The following SAP130 variants were observed in gnomAD, a reference collection of about 807,000 sequenced individuals.
SAP130 encodes histone deacetylase complex subunit SAP130.
Under a neutral mutation model 103.2 loss-of-function variants are expected in SAP130, and 16 were observed. The observed-to-expected ratio is 0.16, with a 90% CI of 0.10 to 0.24. The LOEUF (loss-of-function observed/expected upper bound fraction) is 0.24, where lower values mean the gene tolerates loss of function less well. Ranked by LOEUF, SAP130 falls within the 10% of genes least tolerant of loss-of-function variation. The pLI is 1.00. For synonymous variants in SAP130, 477 were observed against 497.0 expected, an observed-to-expected ratio of 0.96 and a Z score of 0.53; for missense variants, 990 against 1,359.7, an observed-to-expected ratio of 0.73 and a Z score of 4.28.
chr2:128,008,528 C>CTTT (rs76018250), intron 7 of SAP130, among the ~76,000 whole-genome samples: 1 of 137,212 alleles, frequency 7.3e-6, no homozygotes, highest in African/African-American at 2.7e-5. Flanking sequence ...CCACGCTTAC[C>CTTT]TTTTTTTTTT....
At chr2:127,992,023 G>A (rs1474443255) in intron 12 of SAP130, among the ~76,000 whole-genome samples, 2 of 152,086 alleles carry the variant, frequency 1.3e-5, no homozygotes, top group African/African-American at 4.8e-5. Flanking sequence ...CTAGGCTGGA[G>A]TGCAGTGGCG....
chr2:127,999,869 T>G, intron 9 of SAP130, 24 bp from the exon 10 acceptor site: 20 of 1,498,480 alleles, frequency 1.3e-5, no homozygotes, highest in Non-Finnish European at 1.8e-5. Flanking sequence ...AAAAAGGAAA[T>G]TCTTTAACAA....
chr2:127,992,376 G>A (rs1049822300), intron 12 of SAP130, among the ~76,000 whole-genome samples: 6 of 151,650 alleles, frequency 4.0e-5, no homozygotes, highest in African/African-American at 1.5e-4. Flanking sequence ...CGCCTCCCAA[G>A]TTCAAGTGAT....
chr2:128,021,109 A>G (rs1157361696), intron 2 of SAP130, among the ~76,000 whole-genome samples: 4 of 152,248 alleles, frequency 2.6e-5, no homozygotes, highest in African/African-American at 9.6e-5. Flanking sequence ...ATCTTGTCCA[A>G]TGATCTCTTC....
At chr2:128,000,234 C>T in intron 8 of SAP130, 73 bp downstream of exon 8, 2 of 1,606,376 alleles carry the variant, frequency 1.2e-6, no homozygotes, top group Non-Finnish European at 1.7e-6. Context: ...TATCACCAGG[C>T]CCTCAGCACA....
intron 15 of SAP130, among the ~76,000 whole-genome samples, chr2:127,967,526 G>A (rs1460229212): frequency 2.6e-5 from 4 of 152,178 alleles, no homozygotes; most frequent in Non-Finnish European, 2.9e-5. Context: ...AGCCTCCCGA[G>A]TAGCTGGGAT....
At chr2:127,988,292 C>T (rs1316150327) in intron 13 of SAP130, among the ~76,000 whole-genome samples, 1 of 151,556 alleles carries the variant, frequency 6.6e-6, no homozygotes, top group Non-Finnish European at 1.5e-5. Context: ...GGTGTGGTGG[C>T]ATGCACTTGT....
intron 2 of SAP130, among the ~76,000 whole-genome samples, chr2:128,022,599 G>A (rs10166905): frequency 0.14 from 20,961 of 152,102 alleles, 1,597 homozygotes; most frequent in African/African-American, 0.21. Flanking sequence ...TTCTATTTGC[G>A]CTACAACCAT....
intron 11 of SAP130, among the ~76,000 whole-genome samples, chr2:127,995,216 A>T (rs1401901713): frequency 1.3e-5 from 2 of 152,278 alleles, no homozygotes; most frequent in Non-Finnish European, 2.9e-5. Flanking sequence ...AGCAACAAGC[A>T]GGGCTAATGC....
intron 14 of SAP130, among the ~76,000 whole-genome samples, chr2:127,978,591 T>C (rs1453190430): frequency 6.6e-6 from 1 of 152,198 alleles, no homozygotes; most frequent in Non-Finnish European, 1.5e-5. Flanking sequence ...GTTAGCACTT[T>C]GAAAACATGA....
rs967402970 is a variant in SAP130 at position 127,941,693 on chromosome 2, G to T, written c.*313C>A. 5 of 353,276 alleles carry T rather than the reference G, an allele frequency of 1.4e-5. No individual in the cohort carries two copies. Among genetic ancestry groups the T allele is most frequent in the African/African-American group, 6.6e-5 (3 of 45,426 alleles). 21.9% of individuals were successfully genotyped at this position (353,276 alleles called of 1,614,324 possible). On this transcript the variant is annotated 3_prime_UTR_variant, in exon 21 of 21. Transcript: ENST00000643581. ...ACTAGATAAATACAGTCTATAAACC[G>T]GAAGGCTGAAAAACACCAGCCAGCC...
At chr2:127,973,446 G>A (rs757648911) in intron 15 of SAP130, among the ~76,000 whole-genome samples, 9 of 152,166 alleles carry the variant, frequency 5.9e-5, no homozygotes, top group Non-Finnish European at 1.0e-4. Flanking sequence ...TGGTCAGGCC[G>A]ATCTCAAACT....
intron 7 of SAP130, among the ~76,000 whole-genome samples, chr2:128,000,846 G>A (rs1000643787): frequency 3.3e-5 from 5 of 152,164 alleles, no homozygotes; most frequent in African/African-American, 1.2e-4. Context: ...GGGTTACAGT[G>A]AGCGATGACT....
At chr2:127,970,800 A>G (rs1161027191) in intron 15 of SAP130, among the ~76,000 whole-genome samples, 1 of 152,064 alleles carries the variant, frequency 6.6e-6, no homozygotes, top group African/African-American at 2.4e-5. Context: ...CAATGACCCT[A>G]TTTCCAAATA....
At chr2:127,947,764 CTGTG>C (rs1553500423) in intron 18 of SAP130, among the ~76,000 whole-genome samples, 1,731 of 143,394 alleles carry the variant, frequency 0.012, 34 homozygotes, top group African/African-American at 0.043. Context: ...TTGTGTGTGT[CTGTG>C]TGTGTGTGTG....
intron 13 of SAP130, among the ~76,000 whole-genome samples, chr2:127,987,353 T>G (rs1287799485): frequency 6.6e-6 from 1 of 151,730 alleles, no homozygotes; most frequent in Non-Finnish European, 1.5e-5. Flanking sequence ...CCTGGATAAT[T>G]TTTGTATTTT....
At chr2:128,018,721 G>C (rs1684954769) in intron 2 of SAP130, among the ~76,000 whole-genome samples, 1 of 151,946 alleles carries the variant, frequency 6.6e-6, no homozygotes, top group African/African-American at 2.4e-5. Context: ...AACCCTGGGA[G>C]GTCAAGGCTG....
chr2:127,978,233 T>G, intron 14 of SAP130, 144 bp from the exon 15 acceptor site: 3 of 628,574 alleles, frequency 4.8e-6, no homozygotes, highest in Non-Finnish European at 5.6e-6. Context: ...GATTTTCATT[T>G]TCTCGGATAC....
chr2:127,998,603 CAA>C (rs934340788), intron 10 of SAP130, among the ~76,000 whole-genome samples: 12 of 152,098 alleles, frequency 7.9e-5, no homozygotes, highest in African/African-American at 2.9e-4. Flanking sequence ...AAGAGAAAAA[CAA>C]AATGACAGCA....
Sources: gnomAD v4.1 joint callset for allele counts (sites outside exome capture counted in the v4.1 genomes callset) on GRCh38, gnomAD v4.1.1 for gene constraint, MANE v1.5 for transcripts, NCBI Gene and HGNC (gene_info 2026-07-23, HGNC 2026-07-21) for gene names.